PRKD1: variants seen among roughly 807,000 people sequenced by gnomAD.
PRKD1 encodes serine/threonine-protein kinase D1.
Under a neutral mutation model 95.9 loss-of-function variants are expected in PRKD1, and 63 were observed. The observed-to-expected ratio is 0.66, with a 90% CI of 0.54 to 0.81. The LOEUF (loss-of-function observed/expected upper bound fraction) is 0.81. Ranked by LOEUF, PRKD1 falls within the 30% of genes least tolerant of loss-of-function variation. The pLI, the probability that PRKD1 is intolerant of heterozygous loss-of-function variation, is 0.00. For missense variants in PRKD1, 1,048 were observed against 1,165.3 expected (o/e 0.90, Z 1.47); for synonymous variants, 425 against 423.1 (o/e 1.00, Z -0.05).
At chr14:29,597,975 C>A (rs1335600569) in intron 15 of PRKD1, among the ~76,000 whole-genome samples, 1 of 152,040 alleles carries the variant, frequency 6.6e-6, no homozygotes, top group Non-Finnish European at 1.5e-5. Context: ...ATAAAAATAT[C>A]ATCTAAACAG....
intron 17 of PRKD1, among the ~76,000 whole-genome samples, 193 bp downstream of exon 17, chr14:29,578,082 T>A (rs1892623401): frequency 6.6e-6 from 1 of 152,060 alleles, no homozygotes; most frequent in Admixed American, 6.6e-5. Context: ...TCTATCAAAT[T>A]ATCCTGGTAG....
At chr14:29,698,907 G>C (rs1358717489) in intron 2 of PRKD1, among the ~76,000 whole-genome samples, 1 of 152,058 alleles carries the variant, frequency 6.6e-6, no homozygotes, top group Non-Finnish European at 1.5e-5. Flanking sequence ...AGATGCTAAA[G>C]TGCAAAAACA....
chr14:29,803,633 G>A (rs1001473489), intron 1 of PRKD1, among the ~76,000 whole-genome samples: 1 of 152,070 alleles, frequency 6.6e-6, no homozygotes, highest in Non-Finnish European at 1.5e-5. Flanking sequence ...ATAATTATTG[G>A]GATTCACTGA....
chr14:29,645,395 T>G (rs1032598106), intron 4 of PRKD1, among the ~76,000 whole-genome samples: 1 of 152,184 alleles, frequency 6.6e-6, no homozygotes, highest in Non-Finnish European at 1.5e-5. Flanking sequence ...CATCACTCAG[T>G]TGGCTGCCTA....
At chr14:29,867,869 CTT>C (rs1054650054) in intron 1 of PRKD1, among the ~76,000 whole-genome samples, 4 of 152,156 alleles carry the variant, frequency 2.6e-5, no homozygotes, top group South Asian at 2.1e-4. Flanking sequence ...TTTTAGAATA[CTT>C]AGTCTGTGTT....
At position 29,576,818 on chromosome 14, in the gene PRKD1, T is replaced by C. The variant is rs977582349; in HGVS notation, c.*420A>G. 3 of 202,936 alleles carry C rather than the reference T, an allele frequency of 1.5e-5. No individual in the cohort carries two copies. Among genetic ancestry groups the C allele is most frequent in the African/African-American group, 4.6e-5 (2 of 43,760 alleles). The allele number at this position is 202,936 out of a possible 1,614,324, so 12.6% of individuals were successfully genotyped here. ...GGTTTTGGAGTTGTTCATAGAACAC[T>C]GGAAATAATCGACTCTTCAAGAGTT... On this transcript the variant is annotated 3_prime_UTR_variant, in exon 18 of 18. Coordinates refer to ENST00000331968, the MANE Select transcript of PRKD1 (RefSeq NM_002742.3).
At chr14:29,756,734 G>A (rs45573236) in intron 1 of PRKD1, among the ~76,000 whole-genome samples, 1 of 152,214 alleles carries the variant, frequency 6.6e-6, no homozygotes, top group Non-Finnish European at 1.5e-5. Context: ...AGGTCCTACA[G>A]ACAGAGCTAT....
intron 1 of PRKD1, among the ~76,000 whole-genome samples, chr14:29,773,490 T>C (rs1457489648): frequency 6.8e-6 from 1 of 147,570 alleles, no homozygotes; most frequent in Non-Finnish European, 1.5e-5. Context: ...GTAAAAACAA[T>C]GCAAAAACCA....
At chr14:29,914,333 T>G (rs1441141433) in intron 1 of PRKD1, among the ~76,000 whole-genome samples, 1 of 152,194 alleles carries the variant, frequency 6.6e-6, no homozygotes, top group African/African-American at 2.4e-5. Flanking sequence ...TGGGAGTAAG[T>G]TTACCTTCAG....
chr14:29,783,071 C>T (rs778985927), intron 1 of PRKD1, among the ~76,000 whole-genome samples: 1 of 152,148 alleles, frequency 6.6e-6, no homozygotes, highest in Non-Finnish European at 1.5e-5. Flanking sequence ...TTATAGTCAT[C>T]CTACTGTGCT....
chr14:29,726,471 C>A (rs185001896), intron 1 of PRKD1, among the ~76,000 whole-genome samples: 1 of 152,080 alleles, frequency 6.6e-6, no homozygotes, highest in Non-Finnish European at 1.5e-5. Flanking sequence ...GGAAAAGATG[C>A]AAACTCAGGG....
At chr14:29,874,355 A>G (rs1893213336) in intron 1 of PRKD1, among the ~76,000 whole-genome samples, 1 of 152,192 alleles carries the variant, frequency 6.6e-6, no homozygotes, top group Non-Finnish European at 1.5e-5. Context: ...AAGCAAAGGG[A>G]ACTCTTATAA....
intron 1 of PRKD1, among the ~76,000 whole-genome samples, chr14:29,748,914 G>A (rs1887353655): frequency 6.6e-6 from 1 of 152,084 alleles, no homozygotes; most frequent in African/African-American, 2.4e-5. Flanking sequence ...TTTGTCATGA[G>A]ATTCCAGTAA....
rs542699763 is a variant in PRKD1 at position 29,750,640 on chromosome 14, A to T, written c.265-24966T>A. Among the ~76,000 whole-genome samples the T allele has an allele frequency of 2.0e-4, 30 of 151,784 alleles. No homozygotes were observed. The East Asian group carries it at 5.3e-3, about 27-fold the overall frequency. On this transcript the variant is annotated intron_variant, in intron 1 of 17. Coordinates refer to ENST00000331968, the MANE Select transcript of PRKD1 (RefSeq NM_002742.3). ...CGCACACACACACACACACACACTC[A>T]CACTCACTCAGACTGGGGCCATGTA... is the stretch of plus-strand genomic sequence containing the variant.
intron 1 of PRKD1, among the ~76,000 whole-genome samples, chr14:29,910,270 G>A (rs1894659139): frequency 6.6e-6 from 1 of 152,058 alleles, no homozygotes; most frequent in African/African-American, 2.4e-5. Flanking sequence ...GCCGCCTTAA[G>A]AGCTGTGACA....
chr14:29,664,053 AT>A (rs999142905), intron 3 of PRKD1, among the ~76,000 whole-genome samples, 194 bp from the exon 4 acceptor site: 1 of 152,026 alleles, frequency 6.6e-6, no homozygotes, highest in African/African-American at 2.4e-5. Context: ...TTCTGATCTT[AT>A]TGCACAAGCT....
At chr14:29,773,135 A>C (rs1888582552) in intron 1 of PRKD1, among the ~76,000 whole-genome samples, 1 of 152,212 alleles carries the variant, frequency 6.6e-6, no homozygotes, top group Non-Finnish European at 1.5e-5. Flanking sequence ...CTATCATTTT[A>C]GACAACGCTT....
Position 29,790,576 on chromosome 14 carries a change from A to T in PRKD1, c.265-64902T>A, listed in dbSNP as rs1301973920. 3.1e-4 allele frequency among the ~76,000 whole-genome samples: 47 copies of T among 152,106 alleles called. 2 individuals are homozygous for T. Among genetic ancestry groups the T allele is most frequent in the Non-Finnish European group, 7.4e-5 (5 of 68,020 alleles). ...ACAACATCATGATTTCCCAATGTCT[A>T]TGCTAGTTTTTAATCTCATTGCTCA... On this transcript the variant is annotated intron_variant, in intron 1 of 17. Transcript: ENST00000331968.
At chr14:29,896,266 C>T (rs1209954467) in intron 1 of PRKD1, among the ~76,000 whole-genome samples, 2 of 152,070 alleles carry the variant, frequency 1.3e-5, no homozygotes, top group African/African-American at 4.8e-5. Context: ...GACACCAGAG[C>T]TTAAATCCAG....
Sources: allele counts gnomAD v4.1 joint callset (sites outside exome capture counted in the v4.1 genomes callset), GRCh38; gene constraint gnomAD v4.1.1; transcripts MANE v1.5; gene names NCBI Gene and HGNC (gene_info 2026-07-23, HGNC 2026-07-21).